TANGO6: variants seen among roughly 807,000 people sequenced by gnomAD.
The protein encoded by TANGO6 is transport and golgi organization 6 homolog.
TANGO6 carries 90 observed loss-of-function variants against 114.2 expected under a neutral mutation model. That is an observed-to-expected ratio of 0.79 (90% CI 0.66 to 0.94). The LOEUF is 0.94. Ranked by LOEUF, TANGO6 falls within the 40% of genes least tolerant of loss-of-function variation. The pLI is 0.00. For synonymous variants in TANGO6, 477 were observed against 509.8 expected (o/e 0.94, Z 0.87); for missense variants, 1,274 against 1,315.3 (o/e 0.97, Z 0.49).
chr16:69,022,583 A>T (rs1250443967), intron 15 of TANGO6, among the ~76,000 whole-genome samples: 3 of 152,094 alleles, frequency 2.0e-5, no homozygotes. Flanking sequence ...ATGCACCTGT[A>T]GTCCCAACTA....
chr16:69,083,347 C>T, intron 17 of TANGO6, 138 bp from the exon 18 acceptor site: 6 of 1,135,656 alleles, frequency 5.3e-6, no homozygotes, highest in Non-Finnish European at 7.2e-6. Context: ...GCATGAGCCA[C>T]TGCACCCAGC....
At chr16:68,887,947 G>T (rs1386912536) in intron 7 of TANGO6, among the ~76,000 whole-genome samples, 3 of 152,034 alleles carry the variant, frequency 2.0e-5, no homozygotes, top group Non-Finnish European at 4.4e-5. Flanking sequence ...ATTTTATGAT[G>T]GGAAAAAGTA....
At chr16:68,878,675 C>T (rs1217782983) in intron 6 of TANGO6, among the ~76,000 whole-genome samples, 1 of 152,154 alleles carries the variant, frequency 6.6e-6, no homozygotes, top group Admixed American at 6.6e-5. Context: ...GGAAATTTAA[C>T]ATTTATACAA....
intron 1 of TANGO6, among the ~76,000 whole-genome samples, chr16:68,850,911 TTAA>T (rs1372040530): frequency 6.6e-6 from 1 of 152,186 alleles, no homozygotes; most frequent in Non-Finnish European, 1.5e-5. Flanking sequence ...TCTTTTTGAT[TTAA>T]TTTTTTTAAC....
chr16:68,878,616 A>G (rs1399436535), intron 6 of TANGO6, among the ~76,000 whole-genome samples: 1 of 149,838 alleles, frequency 6.7e-6, no homozygotes, highest in Non-Finnish European at 1.5e-5. Flanking sequence ...TGCATCCCCA[A>G]AGAAAAATGT....
At chr16:68,943,671 T>C (rs1158231114) in intron 14 of TANGO6, among the ~76,000 whole-genome samples, 1 of 149,938 alleles carries the variant, frequency 6.7e-6, no homozygotes, top group African/African-American at 2.4e-5. Context: ...GGCCAAGATA[T>C]TTTTTTTTTA....
At chr16:68,867,576 A>C (rs950852806) in intron 4 of TANGO6, 1 of 191,094 alleles carries the variant, frequency 5.2e-6, no homozygotes, top group African/African-American at 2.4e-5. Flanking sequence ...GCGGTGGCTC[A>C]CGCCTGTAAT....
At chr16:68,918,296 C>T (rs575007255) in intron 11 of TANGO6, among the ~76,000 whole-genome samples, 2 of 152,138 alleles carry the variant, frequency 1.3e-5, no homozygotes, top group African/African-American at 2.4e-5. Flanking sequence ...ATATTTTCTC[C>T]CAGTCTGTGG....
At chr16:68,883,190 C>T (rs893805094) in intron 7 of TANGO6, among the ~76,000 whole-genome samples, 5 of 151,942 alleles carry the variant, frequency 3.3e-5, no homozygotes, top group African/African-American at 1.2e-4. Context: ...GAGCAAGACT[C>T]TGCCTCAAAA....
intron 15 of TANGO6, among the ~76,000 whole-genome samples, chr16:68,985,341 C>A (rs1272274975): frequency 1.3e-5 from 2 of 152,132 alleles, no homozygotes; most frequent in African/African-American, 4.8e-5. Context: ...CATATAACTC[C>A]TTTTGATGAT....
chr16:69,038,785 G>A (rs1289283776), intron 16 of TANGO6, among the ~76,000 whole-genome samples: 1 of 152,110 alleles, frequency 6.6e-6, no homozygotes, highest in African/African-American at 2.4e-5. Flanking sequence ...ACTCATGCCT[G>A]TAATCCCAGC....
intron 4 of TANGO6, among the ~76,000 whole-genome samples, chr16:68,874,843 G>A (rs1019861933): frequency 2.6e-5 from 4 of 152,002 alleles, no homozygotes; most frequent in African/African-American, 9.7e-5. Context: ...CCAGCTACTC[G>A]GGAGGTTGAG....
chr16:68,986,416 G>A (rs551432886), intron 15 of TANGO6, among the ~76,000 whole-genome samples: 21 of 152,086 alleles, frequency 1.4e-4, no homozygotes, highest in East Asian at 9.7e-4. Flanking sequence ...TAGGCTTTAC[G>A]GGGTGTTTCC....
chr16:69,046,467 T>C (rs899104687), intron 17 of TANGO6, among the ~76,000 whole-genome samples: 19 of 152,152 alleles, frequency 1.2e-4, no homozygotes, highest in African/African-American at 3.9e-4. Flanking sequence ...TACAGGTATG[T>C]GCCACCACAC....
chr16:68,897,145 C>T (rs900821959), intron 7 of TANGO6, among the ~76,000 whole-genome samples: 1 of 152,126 alleles, frequency 6.6e-6, no homozygotes, highest in Non-Finnish European at 1.5e-5. Flanking sequence ...TCGTGATCCA[C>T]CCGCCTCTGC....
At chr16:68,847,725 C>T (rs1195888392) in intron 1 of TANGO6, among the ~76,000 whole-genome samples, 4 of 152,172 alleles carry the variant, frequency 2.6e-5, no homozygotes, top group Non-Finnish European at 4.4e-5. Context: ...GCAGGCTGAG[C>T]GCGGTAGCTC....
intron 14 of TANGO6, among the ~76,000 whole-genome samples, chr16:68,941,957 G>T (rs1386651218): frequency 4.0e-5 from 6 of 151,864 alleles, no homozygotes; most frequent in Admixed American, 2.0e-4. Context: ...CCATCTCTTA[G>T]GGGGAAAAAA....
chr16:68,848,549 G>A (rs1054139462), intron 1 of TANGO6, among the ~76,000 whole-genome samples: 1 of 151,668 alleles, frequency 6.6e-6, no homozygotes, highest in Non-Finnish European at 1.5e-5. Flanking sequence ...CTATAATTAG[G>A]TAAAAAGAAA....
intron 14 of TANGO6, among the ~76,000 whole-genome samples, chr16:68,964,652 C>T (rs901785784): frequency 1.5e-4 from 22 of 151,116 alleles, no homozygotes; most frequent in Non-Finnish European, 2.1e-4. Context: ...CTGCAACCTC[C>T]GCCTCCTGGG....
Sources: gnomAD v4.1 joint callset for allele counts (sites outside exome capture counted in the v4.1 genomes callset) on GRCh38, gnomAD v4.1.1 for gene constraint, MANE v1.5 for transcripts, NCBI Gene and HGNC (gene_info 2026-07-23, HGNC 2026-07-21) for gene names.